PXDN: variants seen among roughly 807,000 people sequenced by gnomAD.
PXDN encodes the protein peroxidasin homolog.
PXDN carries 77 observed loss-of-function variants against 140.3 expected under a neutral mutation model. The observed-to-expected ratio is 0.55, with a 90% confidence interval of 0.46 to 0.66. The LOEUF (loss-of-function observed/expected upper bound fraction) is 0.66, where lower values mean the gene tolerates loss of function less well. PXDN is among the 30% of genes least tolerant of loss of function. The pLI is 0.00. For missense variants in PXDN, 1,838 were observed against 2,039.5 expected (o/e 0.90, Z 1.90); for synonymous variants, 911 against 857.4 (o/e 1.06, Z -1.09).
chr2:1,642,578 G>C (rs13034256), intron 19 of PXDN, among the ~76,000 whole-genome samples: 1 of 152,260 alleles, frequency 6.6e-6, no homozygotes, highest in Non-Finnish European at 1.5e-5. Context: ...CACCACAAGA[G>C]TGAGTGCTCC....
intron 1 of PXDN, among the ~76,000 whole-genome samples, chr2:1,742,973 G>A (rs1685581876): frequency 6.6e-6 from 1 of 152,226 alleles, no homozygotes; most frequent in Non-Finnish European, 1.5e-5. Context: ...CAGACTCTTT[G>A]CTGGTGCCAA....
chr2:1,654,037 A>C (rs1258682814), intron 15 of PXDN: 1 of 517,504 alleles, frequency 1.9e-6, no homozygotes. Flanking sequence ...TGCATTTCAC[A>C]TAAGATGCAG....
intron 1 of PXDN, among the ~76,000 whole-genome samples, chr2:1,720,225 CAG>C (rs1216756592): frequency 1.8e-4 from 4 of 22,322 alleles, no homozygotes; most frequent in Non-Finnish European, 1.7e-4. Flanking sequence ...GGGAGGGATG[CAG>C]AGAGAGAGAG....
Position 1,638,957 on chromosome 2 carries a change from A to G in PXDN, c.4095T>C (p.His1365=). 4 of 1,613,984 alleles carry G rather than the reference A, an allele frequency of 2.5e-6. No individual in the cohort carries two copies. The highest frequency in any genetic ancestry group is 3.4e-6 in the Non-Finnish European group (4 of 1,179,870). ...TGAAGGCTGAGGTGCTGTTGCTGAG[A>G]TGTTCCCCCTGTCTCCCAACACTGT... ...KIPSVGRQGE[H]LSNSTSAFST... is the part of the protein sequence containing the mutation. The change falls in exon 21 of 23, where the codon CAT becomes CAC. Residue 1365 remains histidine (H), a synonymous_variant. Coordinates refer to ENST00000252804, the MANE Select transcript of PXDN (RefSeq NM_012293.3).
chr2:1,649,603 T>G lies in PXDN; in HGVS notation c.2177A>C (p.His726Pro). The change falls in exon 17 of 23, where the codon CAC becomes CCC. Residue 726 changes from histidine (H) to proline (P), a missense_variant. Coordinates refer to ENST00000252804, the MANE Select transcript of PXDN (RefSeq NM_012293.3). The surrounding 1 kb of genome is among the most constrained non-coding windows in gnomAD (Gnocchi z 7.1). ...GTCCGAGCAGTTGTTCACGCGCCGG[T>G]GGGCGGTACAGCCCGACAGGTTTGC... ...LIANLSGCTA[H>P]RRVNNCSDMC... 1 of 1,614,012 alleles carries G rather than the reference T, an allele frequency of 6.2e-7. No homozygotes were observed. Among genetic ancestry groups the G allele is most frequent in the Non-Finnish European group, 8.5e-7 (1 of 1,179,886 alleles).
At chr2:1,693,964 G>A (rs1684240528) in intron 1 of PXDN, among the ~76,000 whole-genome samples, 1 of 152,264 alleles carries the variant, frequency 6.6e-6, no homozygotes, top group South Asian at 2.1e-4. Flanking sequence ...GCGATGGGAA[G>A]TGCAGACATG....
In PXDN at chr2:1,648,489, G is replaced by T. The variant is rs372463004; in HGVS notation, c.3291C>A (p.Pro1097=). Residue 1097 remains proline (P), a synonymous_variant, in exon 17 of 23, where the codon CCC becomes CCA. Coordinates refer to ENST00000252804, the MANE Select transcript of PXDN (RefSeq NM_012293.3). The surrounding 1 kb of genome is among the most constrained non-coding windows in gnomAD (Gnocchi z 8.9). ...NFQPIAQDHL[P]LHKAFFSPFR... ...AGGGAGAGAAGAAAGCTTTGTGAAGGGGGAGGTGATCTTGTGCAATGGGCT... is the reference window on the plus strand; with the variant it reads ...AGGGAGAGAAGAAAGCTTTGTGAAGTGGGAGGTGATCTTGTGCAATGGGCT... 4.5e-4 allele frequency: 730 copies of T among 1,611,960 alleles called. 5 individuals are homozygous for T. In the African/African-American group the frequency reaches 8.7e-3, roughly 19 times the overall value.
At position 1,725,690 on chromosome 2, in the gene PXDN, C is replaced by G. The variant is rs190094818; in HGVS notation, c.200+18566G>C. On this transcript the variant is annotated intron_variant, in intron 1 of 22. Coordinates refer to ENST00000252804, the MANE Select transcript of PXDN (RefSeq NM_012293.3). ...CGCGACCTACTCTTCTGACAAAGGGCTAATATCCAGAATCTACAATGAACT... is the reference window on the plus strand; with the variant it reads ...CGCGACCTACTCTTCTGACAAAGGGGTAATATCCAGAATCTACAATGAACT... 6.8e-3 allele frequency among the ~76,000 whole-genome samples: 1,038 copies of G among 152,082 alleles called. 10 individuals are homozygous for G. Among genetic ancestry groups the G allele is most frequent in the African/African-American group, 0.023 (937 of 41,492 alleles).
At chr2:1,658,462 A>G (rs1371736428) in intron 14 of PXDN, among the ~76,000 whole-genome samples, 1 of 151,326 alleles carries the variant, frequency 6.6e-6, no homozygotes, top group East Asian at 2.0e-4. Flanking sequence ...AGGCCCCCTC[A>G]GATCTGCTAC....
intron 14 of PXDN, among the ~76,000 whole-genome samples, chr2:1,656,237 ATT>A (rs1181533893): frequency 6.6e-6 from 1 of 152,142 alleles, no homozygotes; most frequent in Non-Finnish European, 1.5e-5. Flanking sequence ...CCCTCTTGTC[ATT>A]CTTTTCTGCT....
At chr2:1,634,562 C>T (rs527757134) in intron 22 of PXDN, among the ~76,000 whole-genome samples, 25 of 152,292 alleles carry the variant, frequency 1.6e-4, no homozygotes, top group African/African-American at 3.8e-4. Flanking sequence ...CTGAGGCTCC[C>T]GTCCCACCCT....
chr2:1,723,729 G>A (rs1480913982), intron 1 of PXDN, among the ~76,000 whole-genome samples: 2 of 152,136 alleles, frequency 1.3e-5, no homozygotes, highest in South Asian at 2.1e-4. Context: ...GGGGGTTATG[G>A]ATGGATGGGT....
In PXDN at chr2:1,714,321, T is replaced by G. The variant is rs1317800128; in HGVS notation, c.201-21187A>C. ...AGCCACTCTTGGGAAGGTTCCCCTG[T>G]CCCCCGATGGTCCGGCACCCTGGCC... On this transcript the variant is annotated intron_variant, in intron 1 of 22. Transcript: ENST00000252804. This position sits in a 1 kb window ranked among gnomAD's most constrained non-coding sequence, Gnocchi z 4.3. Among the ~76,000 whole-genome samples, 2 of 152,106 alleles carry G rather than the reference T, an allele frequency of 1.3e-5. No homozygotes were observed. Among genetic ancestry groups the G allele is most frequent in the Admixed American group, 6.5e-5 (1 of 15,276 alleles).
chr2:1,639,382 A>G lies in PXDN; in HGVS notation c.3993T>C (p.His1331=). 6.2e-7 allele frequency: 1 copy of G among 1,614,016 alleles called. No homozygotes were observed. Among genetic ancestry groups the G allele is most frequent in the South Asian group, 1.1e-5 (1 of 91,092 alleles). Residue 1331 remains histidine (H), a synonymous_variant, in exon 20 of 23, where the codon CAT becomes CAC. Coordinates refer to ENST00000252804, the MANE Select transcript of PXDN (RefSeq NM_012293.3). This position sits in a 1 kb window ranked among gnomAD's most constrained non-coding sequence, Gnocchi z 5.0. The part of the protein sequence containing the change: ...TRGQFNAFSY[H]FRGRRSLEFS... ...ACTCAAGAGACCGTCTGCCTCGGAA[A>G]TGATAGGAAAAGGCATTGAACTGCC...
chr2:1,727,630 C>T (rs1482806184), intron 1 of PXDN, among the ~76,000 whole-genome samples: 2 of 152,140 alleles, frequency 1.3e-5, no homozygotes, highest in African/African-American at 2.4e-5. Flanking sequence ...GCCTTCCCAT[C>T]CCTCTCAAGA....
intron 1 of PXDN, among the ~76,000 whole-genome samples, chr2:1,743,834 G>T (rs1159409216): frequency 2.4e-4 from 34 of 144,566 alleles, no homozygotes; most frequent in African/African-American, 8.2e-4. Context: ...GGACCGAGGG[G>T]TCCTGAGCGG....
chr2:1,718,908 C>T (rs1684953034), intron 1 of PXDN, among the ~76,000 whole-genome samples: 1 of 152,266 alleles, frequency 6.6e-6, no homozygotes, highest in African/African-American at 2.4e-5. Context: ...GCCACAACTC[C>T]AGCCCAAAGA....
intron 6 of PXDN, among the ~76,000 whole-genome samples, chr2:1,683,375 C>T (rs549297649): frequency 2.6e-5 from 4 of 152,208 alleles, no homozygotes; most frequent in Admixed American, 1.3e-4. Flanking sequence ...GTGATCATGC[C>T]ACTGCACTCC....
chr2:1,718,306 C>T (rs1168083776), intron 1 of PXDN, among the ~76,000 whole-genome samples: 2 of 135,092 alleles, frequency 1.5e-5, no homozygotes, highest in African/African-American at 5.6e-5. Flanking sequence ...ACCTACTCCA[C>T]TAACCTAAAA....
Sources: gnomAD v4.1 joint callset for allele counts (sites outside exome capture counted in the v4.1 genomes callset) on GRCh38, gnomAD v4.1.1 for gene constraint, Gnocchi (gnomAD v3.1) non-coding constraint, MANE v1.5 for transcripts, NCBI Gene and HGNC (gene_info 2026-07-23, HGNC 2026-07-21) for gene names.